Variants in ESRP1 observed in about 807,000 individuals in gnomAD.
The protein encoded by ESRP1 is epithelial splicing regulatory protein 1.
A neutral mutation model predicts 81.7 loss-of-function variants in ESRP1; 33 were observed. That is an observed-to-expected ratio of 0.40 (90% CI 0.31 to 0.54). ESRP1 has a LOEUF of 0.54. Ranked by LOEUF, ESRP1 falls within the 20% of genes least tolerant of loss-of-function variation. The pLI is 0.41. For synonymous variants in ESRP1, 320 were observed against 303.3 expected, an observed-to-expected ratio of 1.06 and a Z score of -0.57; for missense variants, 672 against 833.1, an observed-to-expected ratio of 0.81 and a Z score of 2.38.
chr8:94,676,715 G>A (rs1808653382), intron 12 of ESRP1, among the ~76,000 whole-genome samples: 1 of 151,674 alleles, frequency 6.6e-6, no homozygotes, highest in Non-Finnish European at 1.5e-5. Flanking sequence ...GGCCAGGATG[G>A]TCTGGATCTC....
rs1166577845 is a variant in ESRP1, at chr8:94,697,585, T to G, written c.*35+624T>G. On this transcript the variant is annotated intron_variant, in intron 15 of 15. Transcript: ENST00000433389. ...ATTTCATTGCATGGACATACGACAT[T>G]TTATTTATCCACTGATGGACATTTT... is the stretch of plus-strand genomic sequence containing the variant. Among the ~76,000 whole-genome samples the G allele has an allele frequency of 2.0e-5, 3 of 152,238 alleles. 1 individual carries two copies. The highest frequency in any genetic ancestry group is 2.0e-4 in the Admixed American group (3 of 15,292).
At chr8:94,661,335 C>A (rs1261304007) in intron 4 of ESRP1, among the ~76,000 whole-genome samples, 1 of 152,156 alleles carries the variant, frequency 6.6e-6, no homozygotes, top group African/African-American at 2.4e-5. Context: ...AGTCACTGTG[C>A]CCATCTGCAA....
At chr8:94,698,229 A>T (rs1045954926) in intron 15 of ESRP1, among the ~76,000 whole-genome samples, 1 of 152,168 alleles carries the variant, frequency 6.6e-6, no homozygotes, top group Non-Finnish European at 1.5e-5. Context: ...TCTCAAACTA[A>T]CATTCTGTAT....
Position 94,664,757 on chromosome 8 carries a change from G to A in ESRP1, c.705G>A (p.Gln235=). Reference sequence around the variant, plus strand: ...TCAGGGCACGAGGTTTACCATGGCAGTCTTCAGATCAAGATATTGCAAGAT... The same window carrying A: ...TCAGGGCACGAGGTTTACCATGGCAATCTTCAGATCAAGATATTGCAAGAT... ...TVVRARGLPW[Q]SSDQDIARFF... Residue 235 remains glutamine, a synonymous_variant, in exon 7 of 16, where the codon CAG becomes CAA. Transcript: ENST00000433389. 1 of 1,613,976 alleles carries A rather than the reference G, an allele frequency of 6.2e-7. No homozygotes were observed. Among genetic ancestry groups the A allele is most frequent in the Non-Finnish European group, 8.5e-7 (1 of 1,179,874 alleles).
chr8:94,656,165 C>G (rs1450013136), intron 4 of ESRP1: 2 of 150,252 alleles, frequency 1.3e-5, no homozygotes, highest in Non-Finnish European at 3.0e-5. Context: ...CTATGAATAG[C>G]CACCACACTC....
chr8:94,646,135 C>T (rs1211891160), intron 3 of ESRP1, 33 bp from the exon 4 acceptor site: 1 of 1,247,964 alleles, frequency 8.0e-7, no homozygotes, highest in Non-Finnish European at 1.1e-6. Flanking sequence ...CCAAATTCAC[C>T]TAGTTAACAT....
At chr8:94,657,931 G>A (rs1341011149) in intron 4 of ESRP1, among the ~76,000 whole-genome samples, 7 of 152,168 alleles carry the variant, frequency 4.6e-5, no homozygotes, top group African/African-American at 1.4e-4. Context: ...GTTTGTTTGC[G>A]ATGGAGTCTT....
chr8:94,704,737 G>C (rs1490642231), intron 15 of ESRP1, among the ~76,000 whole-genome samples: 1 of 138,562 alleles, frequency 7.2e-6, no homozygotes, highest in Non-Finnish European at 1.5e-5. Flanking sequence ...CTCCAGCCTG[G>C]GTGACAATGC....
intron 2 of ESRP1, among the ~76,000 whole-genome samples, chr8:94,642,375 C>T (rs545641185): frequency 6.6e-6 from 1 of 152,344 alleles, no homozygotes; most frequent in Admixed American, 6.5e-5. Context: ...AATTGATTGA[C>T]GTGCGGAGTT....
At chr8:94,652,800 A>G (rs900146600) in intron 4 of ESRP1, among the ~76,000 whole-genome samples, 5 of 152,230 alleles carry the variant, frequency 3.3e-5, no homozygotes, top group African/African-American at 1.2e-4. Context: ...ACTTCTTACT[A>G]CATATGCCAT....
intron 1 of ESRP1, 175 bp downstream of exon 1, chr8:94,641,625 C>G (rs1019461535): frequency 1.4e-5 from 13 of 912,718 alleles, no homozygotes; most frequent in Non-Finnish European, 2.0e-5. Flanking sequence ...GGCCAACTGC[C>G]TTGGAGCCAT....
intron 14 of ESRP1, among the ~76,000 whole-genome samples, chr8:94,694,551 C>T (rs1405025321): frequency 6.6e-6 from 1 of 152,156 alleles, no homozygotes; most frequent in Non-Finnish European, 1.5e-5. Flanking sequence ...TTACAGTGAG[C>T]CAAGATCACT....
At chr8:94,651,747 G>T (rs567698026) in intron 4 of ESRP1, among the ~76,000 whole-genome samples, 1 of 152,046 alleles carries the variant, frequency 6.6e-6, no homozygotes, top group African/African-American at 2.4e-5. Flanking sequence ...CTCCCAGGTA[G>T]CTGGGACTAT....
chr8:94,691,507 T>A (rs990319041), intron 13 of ESRP1, among the ~76,000 whole-genome samples: 1 of 152,220 alleles, frequency 6.6e-6, no homozygotes, highest in Non-Finnish European at 1.5e-5. Flanking sequence ...TCACTGAAGC[T>A]GAAGAGCAGT....
At chr8:94,665,316 G>A in intron 9 of ESRP1, 120 bp downstream of exon 9, 1 of 985,892 alleles carries the variant, frequency 1.0e-6, no homozygotes, top group Non-Finnish European at 1.5e-6. Flanking sequence ...AATGGAACAT[G>A]GGAATAGATT....
At chr8:94,680,776 T>TA (rs1261194400) in intron 13 of ESRP1, among the ~76,000 whole-genome samples, 1 of 152,190 alleles carries the variant, frequency 6.6e-6, no homozygotes, top group Non-Finnish European at 1.5e-5. Context: ...TTGAGGCTAT[T>TA]AAAAAACTTT....
chr8:94,681,135 C>G (rs1003685057), intron 13 of ESRP1, among the ~76,000 whole-genome samples: 2 of 151,228 alleles, frequency 1.3e-5, no homozygotes, highest in African/African-American at 4.9e-5. Flanking sequence ...ACCATCCTGG[C>G]TAACATGGTG....
intron 11 of ESRP1, 149 bp from the exon 12 acceptor site, chr8:94,674,159 A>G: frequency 1.3e-6 from 1 of 768,960 alleles, no homozygotes; most frequent in East Asian, 2.7e-5. Context: ...AATGCAAGTC[A>G]GGTTCCAGCA....
At position 94,662,313 on chromosome 8, in the gene ESRP1, G is replaced by T; in HGVS notation, c.532G>T (p.Ala178Ser). The T allele has an allele frequency of 6.3e-7, 1 of 1,584,730 alleles. No individual in the cohort carries two copies. Among genetic ancestry groups the T allele is most frequent in the Non-Finnish European group, 8.6e-7 (1 of 1,164,196 alleles). ...GAGTAGTTCAGTCTCTCGATATGGA[G>T]CCTCTCAAGTTGAAGATATGGGGAA... ...EKSSSVSRYGASQVEDMGNII... is the reference protein window; with the variant it reads ...EKSSSVSRYGSSQVEDMGNII... Residue 178 changes from alanine to serine, a missense_variant, in exon 5 of 16, where the codon GCC becomes TCC. Coordinates refer to ENST00000433389, the MANE Select transcript of ESRP1 (RefSeq NM_017697.4).
Sources: gnomAD v4.1 joint callset for allele counts (sites outside exome capture counted in the v4.1 genomes callset) on GRCh38, gnomAD v4.1.1 for gene constraint, MANE v1.5 for transcripts, NCBI Gene and HGNC (gene_info 2026-07-23, HGNC 2026-07-21) for gene names.